KCNIP4: variants seen among roughly 807,000 people sequenced by gnomAD.
KCNIP4 encodes the protein Kv channel-interacting protein 4.
A neutral mutation model predicts 34.0 loss-of-function variants in KCNIP4; 12 were observed. The ratio of observed to expected loss-of-function variants is 0.35; its 90% CI spans 0.23 to 0.57. The LOEUF (loss-of-function observed/expected upper bound fraction) is 0.57, where lower values mean the gene tolerates loss of function less well. Ranked by LOEUF, KCNIP4 falls within the 20% of genes least tolerant of loss-of-function variation. The pLI is 0.83. For missense variants in KCNIP4, 238 were observed against 311.7 expected (o/e 0.76, Z 1.78); for synonymous variants, 124 against 102.2 (o/e 1.21, Z -1.29).
chr4:21,400,103 C>T (rs1577303111), intron 1 of KCNIP4, among the ~76,000 whole-genome samples: 1 of 152,106 alleles, frequency 6.6e-6, no homozygotes, highest in Non-Finnish European at 1.5e-5. Flanking sequence ...GGAATTCATC[C>T]AGTAAGGAAA....
intron 1 of KCNIP4, among the ~76,000 whole-genome samples, chr4:21,898,552 C>T (rs994370159): frequency 2.0e-5 from 3 of 152,176 alleles, no homozygotes; most frequent in Non-Finnish European, 4.4e-5. Flanking sequence ...AGGGAACCCA[C>T]TGCCTTGAAT....
chr4:21,663,266 T>C (rs987377705), intron 1 of KCNIP4, among the ~76,000 whole-genome samples: 1 of 152,224 alleles, frequency 6.6e-6, no homozygotes, highest in Admixed American at 6.5e-5. Flanking sequence ...TGGATGACAT[T>C]AAAATGTGTA....
chr4:21,063,601 G>C (rs1277708458), intron 1 of KCNIP4, among the ~76,000 whole-genome samples: 1 of 152,112 alleles, frequency 6.6e-6, no homozygotes, highest in Non-Finnish European at 1.5e-5. Context: ...GTCAAACAAT[G>C]AACTGAGACT....
chr4:21,392,337 C>T (rs1722636266), intron 1 of KCNIP4, among the ~76,000 whole-genome samples: 1 of 152,174 alleles, frequency 6.6e-6, no homozygotes, highest in Non-Finnish European at 1.5e-5. Context: ...GAGTTCATTT[C>T]TTATAGTACC....
rs184695417 is a variant in KCNIP4 at position 21,321,435 on chromosome 4, T to C, written c.62-438726A>G. 6.6e-5 allele frequency among the ~76,000 whole-genome samples: 10 copies of C among 152,172 alleles called. No homozygotes were observed. In the East Asian group the frequency reaches 1.7e-3, roughly 27 times the overall value. Reference sequence around the variant, plus strand: ...AGAATCTACAGATATTGGGAAGATGTAAATATAGGTAATAGAGAAGACATC... The same window carrying C: ...AGAATCTACAGATATTGGGAAGATGCAAATATAGGTAATAGAGAAGACATC... On this transcript the variant is annotated intron_variant, in intron 1 of 8. Coordinates refer to ENST00000382152, the MANE Select transcript of KCNIP4 (RefSeq NM_025221.6).
intron 1 of KCNIP4, among the ~76,000 whole-genome samples, chr4:21,777,204 C>T (rs1231463815): frequency 6.6e-6 from 1 of 152,188 alleles, no homozygotes; most frequent in African/African-American, 2.4e-5. Context: ...GCTTCTCCAG[C>T]CATGCAGAAT....
chr4:20,861,923 T>TAACCATATTATTACTACAGCATC (rs1722236804), intron 2 of KCNIP4, among the ~76,000 whole-genome samples: 1 of 151,612 alleles, frequency 6.6e-6, no homozygotes, highest in Admixed American at 6.6e-5. Context: ...TTATCAGCAT[T>TAACCATATTATTACTACAGCATC]AACCATATTA....
chr4:21,267,662 C>T (rs3927951), intron 1 of KCNIP4, among the ~76,000 whole-genome samples: 15,069 of 116,228 alleles, frequency 0.13, 1,246 homozygotes, highest in Middle Eastern at 0.19. Flanking sequence ...TATTGATTTG[C>T]GTATATTGAA....
At chr4:20,779,037 G>A (rs1386965156) in intron 3 of KCNIP4, among the ~76,000 whole-genome samples, 1 of 152,064 alleles carries the variant, frequency 6.6e-6, no homozygotes, top group Admixed American at 6.6e-5. Flanking sequence ...ATTATAAAGA[G>A]GAATCAAGAT....
At chr4:21,172,117 T>C (rs993704946) in intron 1 of KCNIP4, among the ~76,000 whole-genome samples, 1 of 152,148 alleles carries the variant, frequency 6.6e-6, no homozygotes, top group African/African-American at 2.4e-5. Context: ...AACCTCTGCC[T>C]CCCGGGTTCA....
intron 1 of KCNIP4, among the ~76,000 whole-genome samples, chr4:21,114,728 A>G (rs1052481793): frequency 1.3e-5 from 2 of 152,144 alleles, no homozygotes; most frequent in East Asian, 3.9e-4. Context: ...GAAACACAGA[A>G]TCATTAAATA....
At chr4:21,224,082 T>C (rs1758179319) in intron 1 of KCNIP4, among the ~76,000 whole-genome samples, 1 of 152,168 alleles carries the variant, frequency 6.6e-6, no homozygotes, top group Admixed American at 6.5e-5. Context: ...TGCCTTGCTT[T>C]TCAGTTACCT....
chr4:21,480,767 CA>C (rs148396436), intron 1 of KCNIP4, among the ~76,000 whole-genome samples: 3,343 of 152,052 alleles, frequency 0.022, 122 homozygotes, highest in East Asian at 0.12. Flanking sequence ...AAATGGAGAA[CA>C]TAAAAGAAAA....
chr4:21,848,615 G>C (rs1282367169), intron 1 of KCNIP4: 1 of 152,024 alleles, frequency 6.6e-6, no homozygotes, highest in Non-Finnish European at 1.5e-5. Flanking sequence ...CATGATTTTT[G>C]TTATTTAAAA....
At chr4:21,071,013 C>A (rs1455494926) in intron 1 of KCNIP4, among the ~76,000 whole-genome samples, 2 of 151,890 alleles carry the variant, frequency 1.3e-5, no homozygotes, top group African/African-American at 2.4e-5. Context: ...GATATGAATT[C>A]TTTGTTAGAT....
At chr4:20,898,610 C>T (rs952790223) in intron 1 of KCNIP4, among the ~76,000 whole-genome samples, 1 of 152,110 alleles carries the variant, frequency 6.6e-6, no homozygotes, top group East Asian at 1.9e-4. Flanking sequence ...TAGTAAATTC[C>T]TTGAGGGCAG....
At chr4:20,738,817 G>A (rs1750332408) in intron 5 of KCNIP4, among the ~76,000 whole-genome samples, 1 of 152,168 alleles carries the variant, frequency 6.6e-6, no homozygotes, top group Non-Finnish European at 1.5e-5. Context: ...AGCGCAAGGG[G>A]TTGGGGAATT....
At chr4:20,851,110 C>T (rs1389926856) in intron 2 of KCNIP4, among the ~76,000 whole-genome samples, 1 of 152,092 alleles carries the variant, frequency 6.6e-6, no homozygotes, top group African/African-American at 2.4e-5. Flanking sequence ...AAACATGTGC[C>T]ATGGTGGTTT....
chr4:21,593,701 TCTTGACACATCAAGACAGATGCATGCC>T lies in KCNIP4; in HGVS notation c.61+354843_61+354869del, dbSNP rs1742401983. 2.0e-5 allele frequency among the ~76,000 whole-genome samples: 3 copies of T among 152,124 alleles called. No homozygotes were observed. In the South Asian group the frequency reaches 6.2e-4, roughly 31 times the overall value. Reference sequence around the variant, plus strand: ...CCACACCTTGTTTAAGAGGACATTTTCTTGACACATCAAGACAGATGCATGCCCTTAAGTGCACCTATACCAAGACCT... The same window carrying T: ...CCACACCTTGTTTAAGAGGACATTTTCTTAAGTGCACCTATACCAAGACCT... On this transcript the variant is annotated intron_variant, in intron 1 of 8. Coordinates refer to ENST00000382152, the MANE Select transcript of KCNIP4 (RefSeq NM_025221.6).
Sources: allele counts gnomAD v4.1 joint callset (sites outside exome capture counted in the v4.1 genomes callset), GRCh38; gene constraint gnomAD v4.1.1; transcripts MANE v1.5; gene names NCBI Gene and HGNC (gene_info 2026-07-23, HGNC 2026-07-21).